ME1: variants seen among roughly 807,000 people sequenced by gnomAD.
The protein encoded by ME1 is NADP-dependent malic enzyme.
ME1 carries 74 observed loss-of-function variants against 66.4 expected under a neutral mutation model. The observed-to-expected ratio is 1.11, with a 90% confidence interval of 0.92 to 1.35. The LOEUF (loss-of-function observed/expected upper bound fraction) is 1.35, where lower values mean the gene tolerates loss of function less well. ME1 is among the 40% of genes most tolerant of loss of function. The probability of loss-of-function intolerance (pLI) is 0.00; values close to 1 mark genes in which losing one functional copy is unlikely to be tolerated. For synonymous variants in ME1, 251 were observed against 235.6 expected (o/e 1.07, Z -0.60); for missense variants, 750 against 694.1 (o/e 1.08, Z -0.90).
At chr6:83,290,811 T>C (rs534033318) in intron 6 of ME1, among the ~76,000 whole-genome samples, 1 of 152,352 alleles carries the variant, frequency 6.6e-6, no homozygotes, top group African/African-American at 2.4e-5. Flanking sequence ...GCTCCTGTAT[T>C]GGGTGCATAT....
rs534680273 is a variant in ME1 at position 83,286,894 on chromosome 6, C to T, written c.704+28416G>A. Among the ~76,000 whole-genome samples the T allele has an allele frequency of 5.0e-4, 76 of 152,090 alleles. 1 individual carries two copies. The South Asian group carries it at 0.015, about 29-fold the overall frequency. ...TGAGTTACAGTGCAAGTACCCTTTC[C>T]GTAAAAGCAGCTTAAAAAGAAAGCA... On this transcript the variant is annotated intron_variant, in intron 6 of 13. Coordinates refer to ENST00000369705, the MANE Select transcript of ME1 (RefSeq NM_002395.6).
In ME1 at chr6:83,398,586, A is replaced by C. The variant is rs1023628249; in HGVS notation, c.213-70T>G. The C allele has an allele frequency of 6.6e-5, 51 of 771,988 alleles. No homozygotes were observed. In the Admixed American group the frequency reaches 7.4e-4, roughly 11 times the overall value. The allele number at this position is 771,988 out of a possible 1,614,324, so 47.8% of individuals were successfully genotyped here. A position where few individuals can be genotyped will look rare whatever the true frequency, so the allele number is the denominator to read the frequency against. ...GAAATAGCTACTTAGAAATCTAATT[A>C]AATATTTTCAACCAAGTATAAAGTA... On this transcript the variant is annotated intron_variant, in intron 2 of 13. Coordinates refer to ENST00000369705, the MANE Select transcript of ME1 (RefSeq NM_002395.6).
chr6:83,346,134 T>A, intron 5 of ME1, 39 bp downstream of exon 5: 1 of 1,430,298 alleles, frequency 7.0e-7, no homozygotes, highest in African/African-American at 1.4e-5. Flanking sequence ...ATGCCATTTT[T>A]AAAGGTACAT....
chr6:83,410,958 C>G (rs1384343326), intron 1 of ME1, among the ~76,000 whole-genome samples: 2 of 152,164 alleles, frequency 1.3e-5, no homozygotes, highest in Non-Finnish European at 2.9e-5. Flanking sequence ...TCCCATATAC[C>G]ATTAGCCAAA....
chr6:83,393,116 C>T, intron 3 of ME1: 1 of 1,435,318 alleles, frequency 7.0e-7, no homozygotes, highest in Non-Finnish European at 9.7e-7. Flanking sequence ...TCCCCACTGC[C>T]AACATGTCAG....
chr6:83,258,191 T>TATC (rs1167565918), intron 6 of ME1, among the ~76,000 whole-genome samples: 1 of 152,176 alleles, frequency 6.6e-6, no homozygotes, highest in Non-Finnish European at 1.5e-5. Context: ...CAGGATACCT[T>TATC]ATCATTTACA....
chr6:83,328,389 A>G (rs1768342159), intron 5 of ME1, among the ~76,000 whole-genome samples: 1 of 152,112 alleles, frequency 6.6e-6, no homozygotes, highest in Non-Finnish European at 1.5e-5. Flanking sequence ...AGTGCAGCAA[A>G]CCACCATGGC....
intron 6 of ME1, among the ~76,000 whole-genome samples, chr6:83,286,246 G>A (rs1767394267): frequency 6.6e-6 from 1 of 152,094 alleles, no homozygotes; most frequent in African/African-American, 2.4e-5. Flanking sequence ...ATAATTGTAA[G>A]TATCTCATAG....
intron 5 of ME1, among the ~76,000 whole-genome samples, chr6:83,316,490 T>G (rs1768031797): frequency 6.6e-6 from 1 of 151,950 alleles, no homozygotes; most frequent in African/African-American, 2.4e-5. Flanking sequence ...AAAGACTGAG[T>G]GCTCTTCACT....
rs1245932659 is a variant in ME1, at chr6:83,249,244, CTTTT to C, written c.814+4381_814+4384del. On this transcript the variant is annotated intron_variant, in intron 7 of 13. Coordinates refer to ENST00000369705, the MANE Select transcript of ME1 (RefSeq NM_002395.6). ...AAATTATTATATATATACTTTTTTT[CTTTT>C]TTCTTTTTTTTTGAGATGGAGTCTC... Among the ~76,000 whole-genome samples the C allele has an allele frequency of 5.3e-5, 8 of 151,472 alleles. No individual in the cohort carries two copies. In the South Asian group the frequency reaches 6.3e-4, roughly 12 times the overall value.
intron 3 of ME1, chr6:83,393,028 C>A: frequency 2.5e-6 from 3 of 1,179,434 alleles, no homozygotes; most frequent in Admixed American, 1.8e-5. Flanking sequence ...ATCCTCTCTG[C>A]CTCTACTGGT....
At chr6:83,314,350 T>C (rs1186836510) in intron 6 of ME1, among the ~76,000 whole-genome samples, 2 of 152,210 alleles carry the variant, frequency 1.3e-5, no homozygotes, top group Non-Finnish European at 2.9e-5. Flanking sequence ...CCTGAACACA[T>C]TATTTTTTTC....
intron 5 of ME1, among the ~76,000 whole-genome samples, chr6:83,339,825 T>A: frequency 2.0e-5 from 2 of 97,852 alleles, no homozygotes; most frequent in Admixed American, 1.1e-4. Context: ...TGTGGTGGGG[T>A]CGGGGGAGGG....
At chr6:83,281,781 G>C (rs1435135963) in intron 6 of ME1, among the ~76,000 whole-genome samples, 2 of 126,218 alleles carry the variant, frequency 1.6e-5, no homozygotes, top group African/African-American at 6.3e-5. Flanking sequence ...ACTCGAGCCT[G>C]GGTGACAGAC....
At chr6:83,419,073 C>T (rs75479542) in intron 1 of ME1, among the ~76,000 whole-genome samples, 3,567 of 152,238 alleles carry the variant, frequency 0.023, 71 homozygotes, top group Non-Finnish European at 0.036. Flanking sequence ...AAGAAAGGTA[C>T]GAACCTGAGT....
chr6:83,364,568 G>C (rs575285449), intron 3 of ME1, among the ~76,000 whole-genome samples: 71 of 152,266 alleles, frequency 4.7e-4, no homozygotes, highest in African/African-American at 1.7e-3. Flanking sequence ...TTTTGGTAGA[G>C]AATGCTATTT....
chr6:83,373,614 A>T (rs1292891837), intron 3 of ME1, among the ~76,000 whole-genome samples: 3 of 152,092 alleles, frequency 2.0e-5, no homozygotes, highest in African/African-American at 7.2e-5. Flanking sequence ...TTTAAATTTT[A>T]TTTTACTTTA....
intron 6 of ME1, among the ~76,000 whole-genome samples, chr6:83,255,242 G>T (rs1327828890): frequency 3.3e-5 from 5 of 151,696 alleles, no homozygotes; most frequent in Non-Finnish European, 5.9e-5. Flanking sequence ...TTTTCTGGGA[G>T]ATTCTATGTT....
At chr6:83,327,154 T>A (rs1007006153) in intron 5 of ME1, among the ~76,000 whole-genome samples, 13 of 152,166 alleles carry the variant, frequency 8.5e-5, no homozygotes. Context: ...TCCTGTCAGC[T>A]AAGAAGGATG....
Sources: allele counts gnomAD v4.1 joint callset (sites outside exome capture counted in the v4.1 genomes callset), GRCh38; gene constraint gnomAD v4.1.1; transcripts MANE v1.5; gene names NCBI Gene and HGNC (gene_info 2026-07-23, HGNC 2026-07-21).